Variants in SHPK observed in about 807,000 individuals in gnomAD.
SHPK encodes sedoheptulokinase.
A neutral mutation model predicts 46.3 loss-of-function variants in SHPK; 51 were observed. The observed-to-expected ratio is 1.10, with a 90% CI of 0.88 to 1.39. The LOEUF is 1.39. Ranked by LOEUF, SHPK falls within the 40% of genes most tolerant of loss-of-function variation. SHPK has a pLI of 0.00. For missense variants in SHPK, 668 were observed against 641.3 expected (o/e 1.04, Z -0.45); for synonymous variants, 290 against 273.9 (o/e 1.06, Z -0.58).
chr17:3,626,008 G>A (rs374968202), intron 2 of SHPK, among the ~76,000 whole-genome samples: 41 of 152,142 alleles, frequency 2.7e-4, no homozygotes, highest in African/African-American at 7.0e-4. Flanking sequence ...AGCTGAGATC[G>A]CACCACTGCA....
At chr17:3,619,275 T>C (rs1310941650) in intron 5 of SHPK, 7 of 778,284 alleles carry the variant, frequency 9.0e-6, no homozygotes, top group South Asian at 1.4e-5. Flanking sequence ...AGCTGCTTTT[T>C]CAATAAACGT....
In SHPK at chr17:3,610,217, C is replaced by T. The variant is rs935276369; in HGVS notation, c.*343G>A. 1.8e-5 allele frequency: 4 copies of T among 219,228 alleles called. No homozygotes were observed. Among genetic ancestry groups the T allele is most frequent in the Non-Finnish European group, 2.8e-5 (3 of 109,004 alleles). The allele number at this position is 219,228 out of a possible 1,614,324, so 13.6% of individuals were successfully genotyped here. On this transcript the variant is annotated 3_prime_UTR_variant, in exon 7 of 7. Coordinates refer to ENST00000225519, the MANE Select transcript of SHPK (RefSeq NM_013276.4). ...CAGACTTTCTGGTGTCTGAAGTACA[C>T]ATTGATCTGCTCTCTGTCTACAGGT...
Position 3,630,254 on chromosome 17 carries a change from G to A in SHPK, c.261C>T (p.Ile87=), listed in dbSNP as rs369401129. Residue 87 remains isoleucine, a synonymous_variant, in exon 2 of 7, where the codon ATC becomes ATT. Transcript: ENST00000225519. ...CTCCATGCATCTGGCCCGACACCCCGATGCCCACGACGCTCCGGAGCTGGG... is the reference window on the plus strand; with the variant it reads ...CTCCATGCATCTGGCCCGACACCCCAATGCCCACGACGCTCCGGAGCTGGG... ...PRPQLRSVVG[I]GVSGQMHGVV... The A allele has an allele frequency of 6.2e-6, 10 of 1,613,510 alleles. No homozygotes were observed. The African/African-American group carries it at 9.4e-5, about 15-fold the overall frequency.
intron 2 of SHPK, among the ~76,000 whole-genome samples, chr17:3,629,167 A>G (rs1412536670): frequency 6.6e-6 from 1 of 152,064 alleles, no homozygotes; most frequent in Non-Finnish European, 1.5e-5. Flanking sequence ...TATGACCCTG[A>G]GCATATTATT....
intron 6 of SHPK, among the ~76,000 whole-genome samples, 181 bp downstream of exon 6, chr17:3,615,156 C>G (rs571516429): frequency 4.6e-5 from 7 of 152,056 alleles, no homozygotes; most frequent in Admixed American, 3.9e-4. Flanking sequence ...GCTTGGAGGA[C>G]AAGAAGAAAA....
intron 6 of SHPK, among the ~76,000 whole-genome samples, chr17:3,614,033 T>C (rs1214371320): frequency 6.6e-6 from 1 of 152,118 alleles, no homozygotes; most frequent in African/African-American, 2.4e-5. Flanking sequence ...CCAGTCTATT[T>C]AGTGAGGACG....
rs1367932014 is a variant in SHPK, at chr17:3,635,633, C to T, written c.168+419G>A. On this transcript the variant is annotated intron_variant, in intron 1 of 6. Transcript: ENST00000225519. ...TGATTTCCGGAGGAAAACCCAGACT[C>T]TGCCCTGGGCAACAAACTGAATCCT... 2.6e-5 allele frequency among the ~76,000 whole-genome samples: 4 copies of T among 152,360 alleles called. No individual in the cohort carries two copies. The East Asian group carries it at 7.7e-4, about 29-fold the overall frequency.
At position 3,610,762 on chromosome 17, in the gene SHPK, G is replaced by A. The variant is rs1226629535; in HGVS notation, c.1235C>T (p.Ser412Phe). The A allele has an allele frequency of 1.5e-5, 25 of 1,614,104 alleles. No homozygotes were observed. The highest frequency in any genetic ancestry group is 2.1e-5 in the Non-Finnish European group (25 of 1,179,996). ...CTGGAGCTGCTGAATCGGAAGCATG[G>A]AGTGCAGGTTCTGAACAATGCCTCG... Reference protein sequence around the residue: ...LCRGIVQNLHSMLPIQQLQEW... With the variant: ...LCRGIVQNLHFMLPIQQLQEW... Residue 412 changes from serine (S) to phenylalanine (F), a missense_variant, in exon 7 of 7, where the codon TCC (serine) becomes TTC (phenylalanine). Transcript: ENST00000225519.
At chr17:3,624,552 C>T (rs1255579878) in intron 2 of SHPK, among the ~76,000 whole-genome samples, 1 of 152,176 alleles carries the variant, frequency 6.6e-6, no homozygotes, top group Non-Finnish European at 1.5e-5. Context: ...GTCTCTGTCC[C>T]TCCAACCCTC....
At chr17:3,624,730 T>C (rs529202027) in intron 2 of SHPK, among the ~76,000 whole-genome samples, 76 of 152,268 alleles carry the variant, frequency 5.0e-4, no homozygotes, top group African/African-American at 1.7e-3. Flanking sequence ...CCCGGCTCAC[T>C]GCAACCTCCA....
At position 3,635,918 on chromosome 17, in the gene SHPK, G is replaced by A. The variant is rs573964239; in HGVS notation, c.168+134C>T. On this transcript the variant is annotated intron_variant, in intron 1 of 6. Transcript: ENST00000225519. Reference sequence around the variant, plus strand: ...TGAGCACAGCTGCTGCAGGCAGACGGGCCCCTGGAGAAGCTGGGGACAAGC... The same window carrying A: ...TGAGCACAGCTGCTGCAGGCAGACGAGCCCCTGGAGAAGCTGGGGACAAGC... 118 of 876,750 alleles carry A rather than the reference G, an allele frequency of 1.3e-4. 1 individual carries two copies. Among genetic ancestry groups the A allele is most frequent in the South Asian group, 1.2e-3 (64 of 53,912 alleles). The allele number at this position is 876,750 out of a possible 1,614,324, so 54.3% of individuals were successfully genotyped here.
At chr17:3,621,827 A>G (rs1316140461) in intron 4 of SHPK, among the ~76,000 whole-genome samples, 2 of 147,762 alleles carry the variant, frequency 1.4e-5, no homozygotes, top group Admixed American at 6.8e-5. Flanking sequence ...TAATTTTTGT[A>G]TTTTTAGTAG....
intron 2 of SHPK, among the ~76,000 whole-genome samples, chr17:3,624,881 C>T (rs2075424346): frequency 6.6e-6 from 1 of 152,132 alleles, no homozygotes; most frequent in Non-Finnish European, 1.5e-5. Flanking sequence ...TCTCGAACTC[C>T]TGAGCTCAGG....
chr17:3,635,066 G>T lies in SHPK; in HGVS notation c.168+986C>A, dbSNP rs376014758. Reference sequence around the variant, plus strand: ...TCACACCTGTAGTCCCAGCTACTCGGGAGGCTGAAGCAGGAGAATCACTTG... The same window carrying T: ...TCACACCTGTAGTCCCAGCTACTCGTGAGGCTGAAGCAGGAGAATCACTTG... On this transcript the variant is annotated intron_variant, in intron 1 of 6. Transcript: ENST00000225519. Among the ~76,000 whole-genome samples the T allele has an allele frequency of 3.2e-4, 49 of 151,884 alleles. No homozygotes were observed. In the East Asian group the frequency reaches 9.6e-3, roughly 30 times the overall value.
At chr17:3,624,742 C>T (rs913786406) in intron 2 of SHPK, among the ~76,000 whole-genome samples, 11 of 152,146 alleles carry the variant, frequency 7.2e-5, no homozygotes, top group Non-Finnish European at 8.8e-5. Flanking sequence ...CAACCTCCAT[C>T]TCCCAGGTTC....
chr17:3,614,009 C>A (rs1012831914), intron 6 of SHPK, among the ~76,000 whole-genome samples: 8 of 152,320 alleles, frequency 5.3e-5, no homozygotes, highest in Non-Finnish European at 2.9e-5. Context: ...AGAGTGCCTG[C>A]GTCCTCAGCT....
intron 2 of SHPK, among the ~76,000 whole-genome samples, chr17:3,628,234 G>A (rs1220300886): frequency 2.6e-5 from 4 of 152,020 alleles, no homozygotes; most frequent in African/African-American, 7.2e-5. Flanking sequence ...GTAGTAAAAT[G>A]TTGATTTTGT....
chr17:3,631,512 CTTTTTTTTT>C (rs371958939), intron 1 of SHPK, among the ~76,000 whole-genome samples: 14 of 53,052 alleles, frequency 2.6e-4, no homozygotes, highest in African/African-American at 4.4e-4. Flanking sequence ...TAATTTAATG[CTTTTTTTTT>C]TTTTTTTTTT....
At chr17:3,621,811 C>A (rs1267150895) in intron 4 of SHPK, among the ~76,000 whole-genome samples, 1 of 151,792 alleles carries the variant, frequency 6.6e-6, no homozygotes, top group East Asian at 1.9e-4. Flanking sequence ...CACCACCATG[C>A]CCAGCTAATT....
Sources: allele counts gnomAD v4.1 joint callset (sites outside exome capture counted in the v4.1 genomes callset), GRCh38; gene constraint gnomAD v4.1.1; transcripts MANE v1.5; gene names NCBI Gene and HGNC (gene_info 2026-07-23, HGNC 2026-07-21).